Variants in SLC24A3 observed in about 807,000 individuals in gnomAD.
SLC24A3 encodes solute carrier family 24 member 3, also known as sodium/potassium/calcium exchanger 3.
A neutral mutation model predicts 75.8 loss-of-function variants in SLC24A3; 28 were observed. That is an observed-to-expected ratio of 0.37 (90% CI 0.27 to 0.51). The LOEUF is 0.51. SLC24A3 is among the 20% of genes least tolerant of loss of function. The pLI is 0.94. For missense variants in SLC24A3, 663 were observed against 847.8 expected (o/e 0.78, Z 2.71); for synonymous variants, 372 against 334.1 (o/e 1.11, Z -1.24).
chr20:19,459,638 G>T (rs1019794087), intron 2 of SLC24A3, among the ~76,000 whole-genome samples: 10 of 152,188 alleles, frequency 6.6e-5, no homozygotes, highest in Non-Finnish European at 1.0e-4. Flanking sequence ...CAAATACAGT[G>T]TGTGAGCTTT....
chr20:19,698,534 C>T (rs755029961), intron 14 of SLC24A3, 34 bp from the exon 15 acceptor site: 36 of 1,536,994 alleles, frequency 2.3e-5, no homozygotes, highest in Non-Finnish European at 3.0e-5. Context: ...CCTGGGTTCC[C>T]TTCCCTCTCT....
chr20:19,711,165 G>T (rs2032984665), intron 15 of SLC24A3, among the ~76,000 whole-genome samples: 1 of 147,756 alleles, frequency 6.8e-6, no homozygotes, highest in African/African-American at 2.5e-5. Flanking sequence ...ATGCAAACAT[G>T]CAGGCAAACG....
chr20:19,279,673 C>T (rs1983599851), intron 1 of SLC24A3, among the ~76,000 whole-genome samples: 1 of 152,170 alleles, frequency 6.6e-6, no homozygotes, highest in African/African-American at 2.4e-5. Flanking sequence ...CCGGGAGACC[C>T]CATTCATATA....
At chr20:19,543,629 G>A (rs2030539153) in intron 3 of SLC24A3, among the ~76,000 whole-genome samples, 1 of 152,152 alleles carries the variant, frequency 6.6e-6, no homozygotes, top group Non-Finnish European at 1.5e-5. Context: ...ACTCCCACCG[G>A]GTGGGAGGGA....
At chr20:19,331,829 T>C (rs1447134672) in intron 2 of SLC24A3, among the ~76,000 whole-genome samples, 1 of 152,136 alleles carries the variant, frequency 6.6e-6, no homozygotes, top group East Asian at 1.9e-4. Context: ...CTGATTTTGA[T>C]CAGTGTTACG....
chr20:19,552,767 C>T (rs1334674001), intron 3 of SLC24A3, among the ~76,000 whole-genome samples: 1 of 152,136 alleles, frequency 6.6e-6, no homozygotes, highest in Admixed American at 6.5e-5. Context: ...TCTCCCTGGC[C>T]TGTAATCTCA....
chr20:19,524,808 C>A (rs940437749), intron 3 of SLC24A3, among the ~76,000 whole-genome samples: 7 of 152,072 alleles, frequency 4.6e-5, no homozygotes, highest in Admixed American at 4.6e-4. Context: ...TTTTTTTCCT[C>A]TGAAAAGCAT....
At chr20:19,338,168 A>G (rs1985181341) in intron 2 of SLC24A3, among the ~76,000 whole-genome samples, 1 of 152,226 alleles carries the variant, frequency 6.6e-6, no homozygotes, top group Admixed American at 6.5e-5. Flanking sequence ...GCTATTAAAT[A>G]AAGCTTTTCA....
At chr20:19,630,854 G>A (rs555238797) in intron 6 of SLC24A3, among the ~76,000 whole-genome samples, 1 of 152,306 alleles carries the variant, frequency 6.6e-6, no homozygotes, top group Admixed American at 6.5e-5. Context: ...GGAGGGATGG[G>A]TTTCAATGGA....
intron 6 of SLC24A3, among the ~76,000 whole-genome samples, chr20:19,593,740 C>A (rs2031413889): frequency 6.6e-6 from 1 of 152,170 alleles, no homozygotes. Flanking sequence ...CCCTAAAGCT[C>A]CCTCCACAGT....
intron 3 of SLC24A3, among the ~76,000 whole-genome samples, chr20:19,529,277 G>A (rs2030252364): frequency 6.6e-6 from 1 of 152,136 alleles, no homozygotes; most frequent in Non-Finnish European, 1.5e-5. Context: ...TCTGAACGTA[G>A]TTTGAAATGG....
intron 7 of SLC24A3, among the ~76,000 whole-genome samples, chr20:19,658,016 A>G (rs2032284354): frequency 6.6e-6 from 1 of 152,144 alleles, no homozygotes; most frequent in African/African-American, 2.4e-5. Context: ...CCTATTATAC[A>G]GCAATGAAAT....
At chr20:19,395,289 C>G (rs1158397466) in intron 2 of SLC24A3, among the ~76,000 whole-genome samples, 2 of 152,204 alleles carry the variant, frequency 1.3e-5, no homozygotes, top group African/African-American at 4.8e-5. Context: ...ATACTTAACA[C>G]TACAGACTGT....
At chr20:19,600,967 A>T (rs780034904) in intron 6 of SLC24A3, among the ~76,000 whole-genome samples, 5 of 152,160 alleles carry the variant, frequency 3.3e-5, no homozygotes. Context: ...GGCCAACGCT[A>T]AGTTTTTCAT....
At chr20:19,647,513 G>A (rs1021857392) in intron 6 of SLC24A3, among the ~76,000 whole-genome samples, 3 of 152,200 alleles carry the variant, frequency 2.0e-5, no homozygotes, top group Non-Finnish European at 4.4e-5. Context: ...CAGAGTGGGC[G>A]AAGGGAGCCA....
At chr20:19,611,006 C>T (rs2031664098) in intron 6 of SLC24A3, among the ~76,000 whole-genome samples, 1 of 152,184 alleles carries the variant, frequency 6.6e-6, no homozygotes, top group African/African-American at 2.4e-5. Flanking sequence ...CACAGAAACA[C>T]ACTGCAGAGG....
chr20:19,610,235 C>A lies in SLC24A3; in HGVS notation c.612+24691C>A, dbSNP rs565314495. The stretch of plus-strand genomic sequence containing the variant: ...TTTATTTTTCTTTTTGGTTTTCATT[C>A]TGTTTTGTACCAAATTGTTGTTTCA... On this transcript the variant is annotated intron_variant, in intron 6 of 16. Transcript: ENST00000328041. 9.2e-5 allele frequency among the ~76,000 whole-genome samples: 14 copies of A among 151,934 alleles called. No homozygotes were observed. In the East Asian group the frequency reaches 2.1e-3, roughly 23 times the overall value.
At chr20:19,599,038 T>C (rs2031489236) in intron 6 of SLC24A3, among the ~76,000 whole-genome samples, 1 of 152,190 alleles carries the variant, frequency 6.6e-6, no homozygotes, top group East Asian at 1.9e-4. Context: ...TGAAATTACA[T>C]GCATGAACTC....
At chr20:19,565,754 C>A (rs1183575409) in intron 3 of SLC24A3, among the ~76,000 whole-genome samples, 1 of 152,070 alleles carries the variant, frequency 6.6e-6, no homozygotes, top group Non-Finnish European at 1.5e-5. Flanking sequence ...GGATGGTGAC[C>A]AGACAGGTAG....
Sources: allele counts gnomAD v4.1 joint callset (sites outside exome capture counted in the v4.1 genomes callset), GRCh38; gene constraint gnomAD v4.1.1; transcripts MANE v1.5; gene names NCBI Gene and HGNC (gene_info 2026-07-23, HGNC 2026-07-21).